NFIA: variants seen among roughly 807,000 people sequenced by gnomAD.
NFIA encodes the protein nuclear factor 1 A-type.
Under a neutral mutation model 62.8 loss-of-function variants are expected in NFIA, and 8 were observed. The observed-to-expected ratio is 0.13, with a 90% CI of 0.07 to 0.23. NFIA has a LOEUF of 0.23. NFIA is among the 10% of genes least tolerant of loss of function. The pLI is 1.00. For missense variants in NFIA, 410 were observed against 642.1 expected, an observed-to-expected ratio of 0.64 and a Z score of 3.91; for synonymous variants, 235 against 238.1, an observed-to-expected ratio of 0.99 and a Z score of 0.12.
At position 61,088,755 on chromosome 1, in the gene NFIA, AT is replaced by A. The variant is rs1197942508; in HGVS notation, c.559+77del. On this transcript the variant is annotated intron_variant, in intron 2 of 10. Coordinates refer to ENST00000403491, the MANE Select transcript of NFIA (RefSeq NM_001134673.4). This position sits in a 1 kb window ranked among gnomAD's most constrained non-coding sequence, Gnocchi z 4.5. ...CCTGATGGCCTCCGCGTTATGCCGGATTCTTCCTGAGCTCCCCAAGTTGCAG... is the reference window on the plus strand; with the variant it reads ...CCTGATGGCCTCCGCGTTATGCCGGATCTTCCTGAGCTCCCCAAGTTGCAG... 2.7e-6 allele frequency: 4 copies of A among 1,503,682 alleles called. No individual in the cohort carries two copies. Among genetic ancestry groups the A allele is most frequent in the Non-Finnish European group, 3.6e-6 (4 of 1,125,704 alleles). 93.1% of individuals were successfully genotyped at this position (1,503,682 alleles called of 1,614,324 possible). A position where few individuals can be genotyped will look rare whatever the true frequency, so the allele number is the denominator to read the frequency against.
chr1:61,082,695 T>A lies in NFIA; in HGVS notation c.-97T>A, dbSNP rs1241428913. ...CCTTCTCTCTCTCTCTCTCTCTCTC[T>A]CTTCCTCTCTCCCTCTTTCTCCTCT... On this transcript the variant is annotated 5_prime_UTR_variant, in exon 1 of 11. Coordinates refer to ENST00000403491, the MANE Select transcript of NFIA (RefSeq NM_001134673.4). 16 of 1,542,044 alleles carry A rather than the reference T, an allele frequency of 1.0e-5. No individual in the cohort carries two copies. The highest frequency in any genetic ancestry group is 1.4e-5 in the Non-Finnish European group (16 of 1,141,470).
intron 2 of NFIA, among the ~76,000 whole-genome samples, chr1:61,103,873 A>G (rs1646552605): frequency 6.6e-6 from 1 of 152,152 alleles, no homozygotes; most frequent in Non-Finnish European, 1.5e-5. Flanking sequence ...GTAAGTAATT[A>G]TAATTCTGAA....
chr1:61,161,024 C>T (rs1465081078), intron 2 of NFIA, among the ~76,000 whole-genome samples: 2 of 152,204 alleles, frequency 1.3e-5, no homozygotes, highest in African/African-American at 4.8e-5. Flanking sequence ...AAGTGACTCT[C>T]CTGCCTCAGC....
chr1:61,398,103 C>T (rs950457556), intron 7 of NFIA, among the ~76,000 whole-genome samples: 20 of 152,168 alleles, frequency 1.3e-4, no homozygotes, highest in Non-Finnish European at 1.5e-5. Flanking sequence ...ATCCAATAGC[C>T]CTTTGCCTGT....
chr1:61,368,222 T>A (rs1025937707), intron 6 of NFIA, among the ~76,000 whole-genome samples: 11 of 152,290 alleles, frequency 7.2e-5, no homozygotes, highest in African/African-American at 2.6e-4. Context: ...GGAGATGCAG[T>A]GTATACATTA....
At chr1:61,333,361 T>C (rs1396051613) in intron 4 of NFIA, among the ~76,000 whole-genome samples, 1 of 152,186 alleles carries the variant, frequency 6.6e-6, no homozygotes, top group Non-Finnish European at 1.5e-5. Context: ...CCCCATTCAC[T>C]GTGTTACAGG....
chr1:61,093,418 C>T (rs1557559798), intron 2 of NFIA, among the ~76,000 whole-genome samples: 1 of 151,952 alleles, frequency 6.6e-6, no homozygotes, highest in Non-Finnish European at 1.5e-5. Context: ...GTAAGGATCA[C>T]CCTATCAAAC....
At chr1:61,395,286 GTGT>G (rs1375828244) in intron 7 of NFIA, among the ~76,000 whole-genome samples, 6 of 134,314 alleles carry the variant, frequency 4.5e-5, no homozygotes, top group Non-Finnish European at 4.7e-5. Context: ...GTGTGTGTGT[GTGT>G]TTTTTTTTTT....
rs895339991 is a variant in NFIA, at chr1:61,310,251, G to T, written c.626-22261G>T. Among the ~76,000 whole-genome samples the T allele has an allele frequency of 5.3e-5, 8 of 152,202 alleles. No homozygotes were observed. In the East Asian group the frequency reaches 1.5e-3, roughly 29 times the overall value. The stretch of plus-strand genomic sequence containing the variant: ...AACAAGTCTGTTGCAACAAGGATAA[G>T]ACACAGCAGTAGGAAAAGACCACTG... On this transcript the variant is annotated intron_variant, in intron 3 of 10. Transcript: ENST00000403491.
chr1:61,203,126 T>G (rs1652623877), intron 2 of NFIA, among the ~76,000 whole-genome samples: 1 of 152,230 alleles, frequency 6.6e-6, no homozygotes, highest in Admixed American at 6.5e-5. Context: ...AGCTTAACCT[T>G]TATTTTATTT....
chr1:61,286,566 G>A (rs764550962), intron 3 of NFIA, among the ~76,000 whole-genome samples: 9 of 152,072 alleles, frequency 5.9e-5, no homozygotes, highest in African/African-American at 7.2e-5. Context: ...CCATTTGTTC[G>A]TTCATTCATT....
intron 6 of NFIA, among the ~76,000 whole-genome samples, chr1:61,371,150 C>A (rs17122014): frequency 0.084 from 12,730 of 152,116 alleles, 984 homozygotes; most frequent in African/African-American, 0.21. Flanking sequence ...TGCAACACCC[C>A]TCATGTCTTA....
At chr1:61,349,392 CTAAG>C (rs1662426340) in intron 4 of NFIA, among the ~76,000 whole-genome samples, 1 of 152,030 alleles carries the variant, frequency 6.6e-6, no homozygotes, top group South Asian at 2.1e-4. Context: ...AATCAAATAA[CTAAG>C]TATTTATTCT....
intron 2 of NFIA, among the ~76,000 whole-genome samples, chr1:61,271,431 G>A (rs373788154): frequency 6.6e-6 from 1 of 152,180 alleles, no homozygotes; most frequent in Non-Finnish European, 1.5e-5. Flanking sequence ...CAAACTTGTG[G>A]CCAGAAAGGC....
intron 2 of NFIA, among the ~76,000 whole-genome samples, chr1:61,198,465 T>G (rs1248359844): frequency 6.6e-6 from 1 of 152,196 alleles, no homozygotes; most frequent in Non-Finnish European, 1.5e-5. Context: ...CAAGGGTGAT[T>G]TAGTGTGAAA....
At chr1:61,140,347 T>A (rs1174535303) in intron 2 of NFIA, among the ~76,000 whole-genome samples, 1 of 118,648 alleles carries the variant, frequency 8.4e-6, no homozygotes, top group Non-Finnish European at 1.9e-5. Flanking sequence ...TCTGGCTGTA[T>A]TTTTTTTTTT....
intron 2 of NFIA, among the ~76,000 whole-genome samples, chr1:61,212,234 T>C (rs1225655318): frequency 2.6e-5 from 4 of 152,180 alleles, no homozygotes; most frequent in Non-Finnish European, 5.9e-5. Context: ...GTGCTAACAT[T>C]TCACCTTTAC....
intron 2 of NFIA, among the ~76,000 whole-genome samples, chr1:61,143,935 A>G (rs763189785): frequency 6.6e-6 from 1 of 152,232 alleles, no homozygotes; most frequent in Non-Finnish European, 1.5e-5. Flanking sequence ...GCCCTTAATC[A>G]TGAAATGTTT....
intron 2 of NFIA, among the ~76,000 whole-genome samples, chr1:61,098,477 C>G (rs986384162): frequency 3.3e-5 from 5 of 152,194 alleles, no homozygotes; most frequent in Non-Finnish European, 7.3e-5. Context: ...TTTCCTCCCC[C>G]TCTTCTTTTA....
Sources: allele counts gnomAD v4.1 joint callset (sites outside exome capture counted in the v4.1 genomes callset), GRCh38; gene constraint gnomAD v4.1.1; non-coding constraint Gnocchi (gnomAD v3.1); transcripts MANE v1.5; gene names NCBI Gene and HGNC (gene_info 2026-07-23, HGNC 2026-07-21).